The following CELF4 variants were observed in gnomAD, a reference collection of about 807,000 sequenced individuals.
CELF4 encodes CUG-BP- and ETR-3-like factor 4.
A neutral mutation model predicts 59.9 loss-of-function variants in CELF4; 18 were observed. The ratio of observed to expected loss-of-function variants is 0.30; its 90% CI spans 0.21 to 0.45. The LOEUF is 0.45. Among genes scored for constraint, CELF4 ranks in the 20% least tolerant of loss-of-function variants. CELF4 has a pLI of 1.00. For missense variants in CELF4, 456 were observed against 689.0 expected (o/e 0.66, Z 3.79); for synonymous variants, 261 against 267.1 (o/e 0.98, Z 0.22).
At chr18:37,352,256 G>A (rs921294922) in intron 2 of CELF4, among the ~76,000 whole-genome samples, 3 of 152,186 alleles carry the variant, frequency 2.0e-5, no homozygotes, top group African/African-American at 7.2e-5. Flanking sequence ...CAAGCAAGGG[G>A]ACTATGATGG....
At chr18:37,536,045 C>T (rs2099973196) in intron 1 of CELF4, among the ~76,000 whole-genome samples, 1 of 152,124 alleles carries the variant, frequency 6.6e-6, no homozygotes, top group South Asian at 2.1e-4. Flanking sequence ...GCTGGGAGCC[C>T]AAGTTGCATC....
chr18:37,301,874 G>A (rs1367755138), intron 3 of CELF4, among the ~76,000 whole-genome samples: 3 of 152,238 alleles, frequency 2.0e-5, no homozygotes, highest in African/African-American at 2.4e-5. Context: ...TCCTGTCCAC[G>A]GAGCAGGTAG....
chr18:37,336,504 G>A (rs2097774859), intron 2 of CELF4, among the ~76,000 whole-genome samples: 1 of 152,124 alleles, frequency 6.6e-6, no homozygotes, highest in African/African-American at 2.4e-5. Flanking sequence ...TTCTTAGCAT[G>A]GCCTCCCCTC....
intron 1 of CELF4, among the ~76,000 whole-genome samples, chr18:37,531,874 G>C (rs1241825438): frequency 6.6e-6 from 1 of 152,094 alleles, no homozygotes; most frequent in Admixed American, 6.5e-5. Context: ...GGTCTGCTTT[G>C]GTCACTGTGG....
chr18:37,283,715 C>T (rs575920818), intron 3 of CELF4, among the ~76,000 whole-genome samples: 7 of 151,690 alleles, frequency 4.6e-5, no homozygotes, highest in Non-Finnish European at 7.4e-5. Flanking sequence ...GGACATACTG[C>T]GGGAACAGAG....
rs1425448229 is a variant in CELF4 at position 37,250,694 on chromosome 18, G to A, written c.*44+3073C>T. Among the ~76,000 whole-genome samples the A allele has an allele frequency of 5.9e-5, 9 of 152,194 alleles. No individual in the cohort carries two copies. The South Asian group carries it at 8.3e-4, about 14-fold the overall frequency. The stretch of plus-strand genomic sequence containing the variant: ...CCTTTTCCTCCCTCGCTGGCAGTCC[G>A]AGGGCAGCCACTTCTCATTGAGCCA... On this transcript the variant is annotated intron_variant, in intron 12 of 12. Transcript: ENST00000420428.
At chr18:37,273,740 G>A (rs1038248752) in intron 6 of CELF4, 20 of 988,198 alleles carry the variant, frequency 2.0e-5, no homozygotes, top group Non-Finnish European at 2.4e-5. Flanking sequence ...GCCTGCCTCA[G>A]TGCCACCCAC....
At chr18:37,549,495 A>ACTG (rs1202488423) in intron 1 of CELF4, among the ~76,000 whole-genome samples, 1 of 152,180 alleles carries the variant, frequency 6.6e-6, no homozygotes, top group East Asian at 1.9e-4. Flanking sequence ...TCCCTGATTC[A>ACTG]CTGGTGACCC....
intron 2 of CELF4, among the ~76,000 whole-genome samples, chr18:37,349,323 G>A (rs2098385679): frequency 6.6e-6 from 1 of 152,186 alleles, no homozygotes; most frequent in Admixed American, 6.5e-5. Context: ...GACACGTTGG[G>A]GGGAGAAACT....
intron 1 of CELF4, among the ~76,000 whole-genome samples, chr18:37,511,645 T>C (rs1205921474): frequency 6.6e-6 from 1 of 151,860 alleles, no homozygotes; most frequent in Non-Finnish European, 1.5e-5. Flanking sequence ...TCTTCATCTG[T>C]GCATCCATGG....
At chr18:37,467,917 T>A (rs973990530) in intron 2 of CELF4, among the ~76,000 whole-genome samples, 1 of 152,248 alleles carries the variant, frequency 6.6e-6, no homozygotes, top group African/African-American at 2.4e-5. Flanking sequence ...TATGTTCACA[T>A]CACCTGTTAT....
At chr18:37,431,629 A>G (rs1849891417) in intron 2 of CELF4, among the ~76,000 whole-genome samples, 1 of 152,130 alleles carries the variant, frequency 6.6e-6, no homozygotes, top group African/African-American at 2.4e-5. Context: ...TCGGCCTCCC[A>G]AAGTGCTGGG....
In CELF4 at chr18:37,243,932, C is replaced by T. The variant is rs2061134287; in HGVS notation, c.*1310G>A. On this transcript the variant is annotated 3_prime_UTR_variant, in exon 13 of 13. Coordinates refer to ENST00000420428, the MANE Select transcript of CELF4 (RefSeq NM_020180.4). ...GACGGCGGCGGCGGCGGCGGCGACCCGGGCGACGCGACCGTTCCCGACCGA... is the reference window on the plus strand; with the variant it reads ...GACGGCGGCGGCGGCGGCGGCGACCTGGGCGACGCGACCGTTCCCGACCGA... 2 of 183,876 alleles carry T rather than the reference C, an allele frequency of 1.1e-5. No individual in the cohort carries two copies. The highest frequency in any genetic ancestry group is 2.3e-5 in the Non-Finnish European group (2 of 88,026). 11.4% of individuals were successfully genotyped at this position (183,876 alleles called of 1,614,324 possible).
At chr18:37,272,209 A>ATTTG in intron 7 of CELF4, among the ~76,000 whole-genome samples, 1 of 152,260 alleles carries the variant, frequency 6.6e-6, no homozygotes, top group African/African-American at 2.4e-5. Flanking sequence ...AGCGTTTCTC[A>ATTTG]ACTTTGACAC....
At chr18:37,266,943 G>A (rs186551762) in intron 8 of CELF4, among the ~76,000 whole-genome samples, 1 of 152,056 alleles carries the variant, frequency 6.6e-6, no homozygotes, top group Non-Finnish European at 1.5e-5. Context: ...GTGGTGGGGG[G>A]GGACACACAA....
chr18:37,539,349 C>T (rs2099975985), intron 1 of CELF4, among the ~76,000 whole-genome samples: 1 of 152,212 alleles, frequency 6.6e-6, no homozygotes, highest in Non-Finnish European at 1.5e-5. Context: ...GGAGAGCCCA[C>T]ATTCCAAGCC....
chr18:37,255,855 C>G (rs1012143651), intron 11 of CELF4, among the ~76,000 whole-genome samples: 1 of 152,178 alleles, frequency 6.6e-6, no homozygotes, highest in African/African-American at 2.4e-5. Flanking sequence ...GCTGGAGGAG[C>G]TGTCTAGGGC....
chr18:37,390,108 C>T (rs962821326), intron 2 of CELF4, among the ~76,000 whole-genome samples: 3 of 152,220 alleles, frequency 2.0e-5, no homozygotes, highest in African/African-American at 7.2e-5. Flanking sequence ...CTGCTAGCTC[C>T]AGGATGGCTT....
intron 1 of CELF4, among the ~76,000 whole-genome samples, chr18:37,494,653 G>A (rs1186502116): frequency 1.3e-5 from 2 of 152,206 alleles, no homozygotes; most frequent in Non-Finnish European, 2.9e-5. Context: ...GCATCTGACA[G>A]CTCAGAAGCT....
Sources: gnomAD v4.1 joint callset for allele counts (sites outside exome capture counted in the v4.1 genomes callset) on GRCh38, gnomAD v4.1.1 for gene constraint, MANE v1.5 for transcripts, NCBI Gene and HGNC (gene_info 2026-07-23, HGNC 2026-07-21) for gene names.